The following KCTD16 variants were observed in gnomAD, a reference collection of about 807,000 sequenced individuals.
KCTD16 encodes the protein potassium channel tetramerization domain containing 16.
In KCTD16, 13 loss-of-function variants were observed where a neutral mutation model predicts 33.2. The observed-to-expected ratio is 0.39, with a 90% CI of 0.25 to 0.62. The LOEUF (loss-of-function observed/expected upper bound fraction) is 0.62. Ranked by LOEUF, KCTD16 falls within the 20% of genes least tolerant of loss-of-function variation. The probability of loss-of-function intolerance (pLI) is 0.50; values close to 1 mark genes in which losing one functional copy is unlikely to be tolerated. For missense variants in KCTD16, 441 were observed against 525.1 expected (o/e 0.84, Z 1.57); for synonymous variants, 197 against 195.3 (o/e 1.01, Z -0.07).
At chr5:144,173,151 A>G (rs1442492320) in intron 1 of KCTD16, among the ~76,000 whole-genome samples, 1 of 152,246 alleles carries the variant, frequency 6.6e-6, no homozygotes, top group East Asian at 1.9e-4. Context: ...AAGGATATAA[A>G]TCAGTCTATC....
chr5:144,182,381 A>G (rs1752644378), intron 2 of KCTD16, among the ~76,000 whole-genome samples: 1 of 152,220 alleles, frequency 6.6e-6, no homozygotes, highest in African/African-American at 2.4e-5. Context: ...AGTAGAAAAC[A>G]GACTAAAACA....
chr5:144,385,764 T>C (rs1261685315), intron 3 of KCTD16, among the ~76,000 whole-genome samples: 1 of 152,186 alleles, frequency 6.6e-6, no homozygotes, highest in Non-Finnish European at 1.5e-5. Flanking sequence ...TGCACAGATA[T>C]GTTGGTCCCA....
intron 3 of KCTD16, among the ~76,000 whole-genome samples, chr5:144,256,510 G>A (rs1053684134): frequency 6.6e-6 from 1 of 151,958 alleles, no homozygotes; most frequent in African/African-American, 2.4e-5. Flanking sequence ...GGAACAAAGA[G>A]TAAACATACC....
At chr5:144,313,868 C>T (rs1201766152) in intron 3 of KCTD16, among the ~76,000 whole-genome samples, 1 of 152,130 alleles carries the variant, frequency 6.6e-6, no homozygotes, top group Non-Finnish European at 1.5e-5. Context: ...ATTAAGCCTG[C>T]AGCATGCCAG....
intron 3 of KCTD16, among the ~76,000 whole-genome samples, chr5:144,288,798 C>T (rs10477240): frequency 0.21 from 32,651 of 152,004 alleles, 3,949 homozygotes; most frequent in Non-Finnish European, 0.28. Context: ...GGTTAAACCC[C>T]GTCTTTACTA....
intron 3 of KCTD16, among the ~76,000 whole-genome samples, chr5:144,284,075 C>T (rs1374516940): frequency 6.6e-6 from 1 of 152,170 alleles, no homozygotes; most frequent in Non-Finnish European, 1.5e-5. Context: ...GATAAAGTCA[C>T]TAGTTAACTC....
intron 3 of KCTD16, among the ~76,000 whole-genome samples, chr5:144,341,654 C>T (rs564677208): frequency 6.6e-6 from 1 of 152,128 alleles, no homozygotes; most frequent in African/African-American, 2.4e-5. Context: ...ACAAGTTCAC[C>T]GATTCCCAAC....
intron 1 of KCTD16, among the ~76,000 whole-genome samples, chr5:144,173,621 AT>A (rs1263848305): frequency 6.6e-6 from 1 of 152,218 alleles, no homozygotes; most frequent in Non-Finnish European, 1.5e-5. Flanking sequence ...TGAACTTAAA[AT>A]TTAAAAAATT....
At chr5:144,171,620 C>T (rs1752386085) in intron 1 of KCTD16, among the ~76,000 whole-genome samples, 1 of 152,168 alleles carries the variant, frequency 6.6e-6, no homozygotes, top group Non-Finnish European at 1.5e-5. Flanking sequence ...AAAATCTCTC[C>T]AGACATTGCC....
chr5:144,327,245 T>C (rs1352949830), intron 3 of KCTD16, among the ~76,000 whole-genome samples: 1 of 152,150 alleles, frequency 6.6e-6, no homozygotes, highest in Non-Finnish European at 1.5e-5. Context: ...ATTTGGATAT[T>C]ATTTCTAAGT....
intron 3 of KCTD16, among the ~76,000 whole-genome samples, chr5:144,228,446 C>T (rs1025913328): frequency 7.9e-5 from 12 of 152,062 alleles, no homozygotes; most frequent in East Asian, 3.9e-4. Flanking sequence ...GCAGCAGTTT[C>T]GATGAACTGC....
At chr5:144,218,883 G>A (rs1004063710) in intron 3 of KCTD16, among the ~76,000 whole-genome samples, 2 of 152,220 alleles carry the variant, frequency 1.3e-5, no homozygotes, top group South Asian at 2.1e-4. Flanking sequence ...GAAACATGAA[G>A]TGTAAAATAA....
chr5:144,265,823 A>T (rs575456847), intron 3 of KCTD16, among the ~76,000 whole-genome samples: 1 of 152,344 alleles, frequency 6.6e-6, no homozygotes, highest in Non-Finnish European at 1.5e-5. Flanking sequence ...TCTCATTGAG[A>T]AAACAAGCTC....
In KCTD16 at chr5:144,480,733, C is replaced by A. The variant is rs1368407643; in HGVS notation, c.*6619C>A. ...AATTAATGGGTATAGGCCAGAGATG[C>A]TGCTAAAGATCCTACAGTGTACTGG... On this transcript the variant is annotated 3_prime_UTR_variant, in exon 4 of 4. Transcript: ENST00000512467. 1 of 151,856 alleles carries A rather than the reference C, an allele frequency of 6.6e-6. No individual in the cohort carries two copies. Among genetic ancestry groups the A allele is most frequent in the Non-Finnish European group, 1.5e-5 (1 of 67,916 alleles). The allele number at this position is 151,856 out of a possible 1,614,324, so 9.4% of individuals were successfully genotyped here.
At chr5:144,351,234 G>GTAGCTT (rs1751419889) in intron 3 of KCTD16, among the ~76,000 whole-genome samples, 1 of 151,962 alleles carries the variant, frequency 6.6e-6, no homozygotes, top group South Asian at 2.1e-4. Context: ...TGATCATATT[G>GTAGCTT]TGAAGGTGCT....
intron 2 of KCTD16, chr5:144,206,041 G>A (rs1196402076): frequency 6.5e-6 from 1 of 152,836 alleles, no homozygotes; most frequent in Non-Finnish European, 1.5e-5. Flanking sequence ...CACTCACTAA[G>A]GTAAGCTCTA....
At chr5:144,439,353 G>T in intron 3 of KCTD16, 1 of 514,030 alleles carries the variant, frequency 1.9e-6, no homozygotes, top group African/African-American at 2.0e-5. Flanking sequence ...AGCAGAGTAT[G>T]AATCTGAATG....
chr5:144,370,014 C>T (rs886935010), intron 3 of KCTD16, among the ~76,000 whole-genome samples: 7 of 152,022 alleles, frequency 4.6e-5, no homozygotes, highest in African/African-American at 1.7e-4. Flanking sequence ...AAATACTTAA[C>T]ACTAAGTACA....
chr5:144,272,777 A>G (rs1212732779), intron 3 of KCTD16, among the ~76,000 whole-genome samples: 1 of 152,176 alleles, frequency 6.6e-6, no homozygotes, highest in Non-Finnish European at 1.5e-5. Context: ...GGATATCCAT[A>G]TGCAAAATCA....
Sources: allele counts gnomAD v4.1 joint callset (sites outside exome capture counted in the v4.1 genomes callset), GRCh38; gene constraint gnomAD v4.1.1; transcripts MANE v1.5; gene names NCBI Gene and HGNC (gene_info 2026-07-23, HGNC 2026-07-21).